The following DNAJC6 variants were observed in gnomAD, a reference collection of about 807,000 sequenced individuals.
The protein encoded by DNAJC6 is auxilin.
A neutral mutation model predicts 110.0 loss-of-function variants in DNAJC6; 34 were observed. The observed-to-expected ratio is 0.31, with a 90% CI of 0.24 to 0.41. DNAJC6 has a LOEUF of 0.41. Among genes scored for constraint, DNAJC6 ranks in the 10% least tolerant of loss-of-function variants. The pLI is 1.00. For synonymous variants in DNAJC6, 406 were observed against 437.2 expected (o/e 0.93, Z 0.89); for missense variants, 1,031 against 1,207.8 (o/e 0.85, Z 2.17).
rs550525237 is a variant in DNAJC6, at chr1:65,314,189, CAA to C, written c.193+4254_193+4255del. On this transcript the variant is annotated intron_variant, in intron 1 of 18. Coordinates refer to ENST00000371069, the MANE Select transcript of DNAJC6 (RefSeq NM_001256864.2). Reference sequence around the variant, plus strand: ...ATAGAAATTCACATATATAAATAAACAAAATATTGTATATATTAAAAAAAAAG... The same window carrying C: ...ATAGAAATTCACATATATAAATAAACAATATTGTATATATTAAAAAAAAAG... Among the ~76,000 whole-genome samples, 28 of 150,656 alleles carry C rather than the reference CAA, an allele frequency of 1.9e-4. No individual in the cohort carries two copies. The South Asian group carries it at 5.9e-3, about 32-fold the overall frequency.
At chr1:65,319,111 A>G (rs749825374) in intron 1 of DNAJC6, among the ~76,000 whole-genome samples, 5 of 152,202 alleles carry the variant, frequency 3.3e-5, no homozygotes, top group Admixed American at 2.6e-4. Context: ...CAACCAACCA[A>G]TGGTGGGGTC....
At chr1:65,379,646 A>G (rs1645799479) in intron 5 of DNAJC6, 122 bp downstream of exon 5, 1 of 1,358,392 alleles carries the variant, frequency 7.4e-7, no homozygotes, top group Non-Finnish European at 1.0e-6. Context: ...ATATTTAGGA[A>G]TTGGGTAATG....
At chr1:65,268,973 C>T (rs1200675687) in intron 1 of DNAJC6, among the ~76,000 whole-genome samples, 1 of 152,100 alleles carries the variant, frequency 6.6e-6, no homozygotes, top group Non-Finnish European at 1.5e-5. Flanking sequence ...AAATAGTTCT[C>T]ATTCCAATTT....
intron 14 of DNAJC6, among the ~76,000 whole-genome samples, chr1:65,400,762 G>A (rs1051505960): frequency 1.1e-4 from 17 of 152,074 alleles, no homozygotes; most frequent in Admixed American, 5.2e-4. Flanking sequence ...TCCATATCTT[G>A]GCTGTTGTGA....
intron 1 of DNAJC6, among the ~76,000 whole-genome samples, chr1:65,285,062 ATAAT>A (rs1351954059): frequency 1.3e-5 from 2 of 152,216 alleles, no homozygotes; most frequent in African/African-American, 4.8e-5. Flanking sequence ...ATTTATATTA[ATAAT>A]TGTAATTATC....
chr1:65,349,999 C>T (rs1251889965), intron 1 of DNAJC6, among the ~76,000 whole-genome samples: 1 of 152,198 alleles, frequency 6.6e-6, no homozygotes, highest in African/African-American at 2.4e-5. Flanking sequence ...ATGTCCACGA[C>T]AGGCCCCCAC....
chr1:65,410,081 C>G (rs1186478782), intron 17 of DNAJC6, among the ~76,000 whole-genome samples: 2 of 152,140 alleles, frequency 1.3e-5, no homozygotes, highest in Admixed American at 1.3e-4. Context: ...TTGGAATGCT[C>G]TTCACAGATG....
chr1:65,327,283 G>A (rs1415253475), intron 1 of DNAJC6, among the ~76,000 whole-genome samples: 1 of 152,136 alleles, frequency 6.6e-6, no homozygotes, highest in Non-Finnish European at 1.5e-5. Flanking sequence ...AATATTTACT[G>A]AGGACCTAGT....
intron 12 of DNAJC6, among the ~76,000 whole-genome samples, chr1:65,393,657 A>G (rs890168035): frequency 5.9e-5 from 9 of 152,114 alleles, no homozygotes; most frequent in African/African-American, 1.9e-4. Flanking sequence ...TTTATAAGAC[A>G]GTGTAGTTGG....
intron 1 of DNAJC6, among the ~76,000 whole-genome samples, chr1:65,298,574 T>C (rs1030436839): frequency 6.6e-6 from 1 of 151,532 alleles, no homozygotes; most frequent in Non-Finnish European, 1.5e-5. Flanking sequence ...TCTATACATA[T>C]GAAAAAAGAC....
chr1:65,374,900 G>A (rs1469316060), intron 4 of DNAJC6, among the ~76,000 whole-genome samples: 1 of 151,970 alleles, frequency 6.6e-6, no homozygotes, highest in Non-Finnish European at 1.5e-5. Flanking sequence ...CATTCAGTAC[G>A]ATGTTAGCCA....
chr1:65,369,554 G>T (rs1645686082), intron 4 of DNAJC6, among the ~76,000 whole-genome samples: 1 of 152,098 alleles, frequency 6.6e-6, no homozygotes, highest in Non-Finnish European at 1.5e-5. Flanking sequence ...GGTTTTATTT[G>T]TAGATTCATA....
At chr1:65,299,155 G>C (rs1444329371) in intron 1 of DNAJC6, among the ~76,000 whole-genome samples, 1 of 152,102 alleles carries the variant, frequency 6.6e-6, no homozygotes, top group Non-Finnish European at 1.5e-5. Flanking sequence ...TAAAAAGATA[G>C]AATAATAAAA....
chr1:65,375,913 G>A (rs983770950), intron 4 of DNAJC6, among the ~76,000 whole-genome samples: 9 of 152,140 alleles, frequency 5.9e-5, no homozygotes, highest in Non-Finnish European at 8.8e-5. Flanking sequence ...GAATGAGTTC[G>A]AAAGTATTTC....
At chr1:65,339,914 C>T (rs908748385) in intron 1 of DNAJC6, among the ~76,000 whole-genome samples, 1 of 152,202 alleles carries the variant, frequency 6.6e-6, no homozygotes, top group African/African-American at 2.4e-5. Context: ...CCAAATACTT[C>T]GACTCCTTGT....
chr1:65,351,070 C>A (rs1645486412), intron 1 of DNAJC6, among the ~76,000 whole-genome samples: 1 of 152,130 alleles, frequency 6.6e-6, no homozygotes, highest in Non-Finnish European at 1.5e-5. Flanking sequence ...TATATTGTCC[C>A]ACATATTCCT....
At chr1:65,334,125 G>C (rs1198226746) in intron 1 of DNAJC6, among the ~76,000 whole-genome samples, 1 of 152,174 alleles carries the variant, frequency 6.6e-6, no homozygotes, top group Non-Finnish European at 1.5e-5. Flanking sequence ...AGAAAAAGAT[G>C]CCCAGATGAG....
intron 1 of DNAJC6, among the ~76,000 whole-genome samples, chr1:65,339,564 G>A (rs923034248): frequency 6.6e-6 from 1 of 152,138 alleles, no homozygotes; most frequent in East Asian, 1.9e-4. Context: ...TTTTAGTAGC[G>A]GAATATTAGA....
At chr1:65,272,581 TGG>T (rs1338771212) in intron 1 of DNAJC6, among the ~76,000 whole-genome samples, 3 of 152,262 alleles carry the variant, frequency 2.0e-5, no homozygotes. Flanking sequence ...CTCTATTCCC[TGG>T]AAGGTTTTTG....
Sources: allele counts gnomAD v4.1 joint callset (sites outside exome capture counted in the v4.1 genomes callset), GRCh38; gene constraint gnomAD v4.1.1; transcripts MANE v1.5; gene names NCBI Gene and HGNC (gene_info 2026-07-23, HGNC 2026-07-21).